Variants in ORC3 observed in about 807,000 individuals in gnomAD.
ORC3 encodes the protein homolog of latheo, Drosophila.
Under a neutral mutation model 100.7 loss-of-function variants are expected in ORC3, and 78 were observed. The observed-to-expected ratio is 0.77, with a 90% confidence interval of 0.65 to 0.94. The LOEUF is 0.94. ORC3 is among the 40% of genes least tolerant of loss of function. ORC3 has a pLI of 0.00. For missense variants in ORC3, 789 were observed against 823.9 expected, an observed-to-expected ratio of 0.96 and a Z score of 0.52; for synonymous variants, 295 against 289.3, an observed-to-expected ratio of 1.02 and a Z score of -0.20.
At chr6:87,675,974 T>C in the ORC3 span, 7 of 1,526,312 alleles carry the variant, frequency 4.6e-6, no homozygotes, top group African/African-American at 1.6e-5. Flanking sequence ...TAAAATGCCT[T>C]ATTAGAGCCA....
chr6:87,674,670 T>A, the ORC3 span, among the ~76,000 whole-genome samples: 5 of 142,330 alleles, frequency 3.5e-5, no homozygotes, highest in South Asian at 1.0e-3. Context: ...GAGATGGGGT[T>A]TCACTGTGTT....
intron 9 of ORC3, among the ~76,000 whole-genome samples, chr6:87,620,797 A>G (rs1196680537): frequency 3.3e-5 from 5 of 152,220 alleles, no homozygotes; most frequent in African/African-American, 1.2e-4. Flanking sequence ...CCCTTCTACC[A>G]TAGAGCCCAC....
chr6:87,603,318 C>A (rs2128248909), intron 3 of ORC3, 66 bp from the exon 4 acceptor site: 1 of 870,916 alleles, frequency 1.1e-6, no homozygotes, highest in Non-Finnish European at 1.6e-6. Flanking sequence ...AATTTTCTTT[C>A]CACAACCAGG....
At chr6:87,628,415 T>TAGA (rs1162533726) in intron 11 of ORC3, among the ~76,000 whole-genome samples, 1 of 152,220 alleles carries the variant, frequency 6.6e-6, no homozygotes, top group Non-Finnish European at 1.5e-5. Flanking sequence ...GGAGGGACAT[T>TAGA]AGAAGACCTG....
chr6:87,670,985 A>C (rs1770819895), downstream of ORC3, among the ~76,000 whole-genome samples: 1 of 152,230 alleles, frequency 6.6e-6, no homozygotes, highest in Non-Finnish European at 1.5e-5. Flanking sequence ...AGTAACAAAA[A>C]TCCTATGCTG....
At chr6:87,647,104 C>T (rs1205009951) in intron 13 of ORC3, among the ~76,000 whole-genome samples, 1 of 152,144 alleles carries the variant, frequency 6.6e-6, no homozygotes, top group Non-Finnish European at 1.5e-5. Context: ...TTTCTGCTCC[C>T]CTACAGGTTC....
intron 13 of ORC3, among the ~76,000 whole-genome samples, chr6:87,651,844 G>A (rs1769292761): frequency 6.6e-6 from 1 of 151,046 alleles, no homozygotes; most frequent in Non-Finnish European, 1.5e-5. Flanking sequence ...TGAATTAGTT[G>A]TATTACAAAA....
chr6:87,619,785 G>A (rs928618030), intron 9 of ORC3, among the ~76,000 whole-genome samples: 6 of 152,134 alleles, frequency 3.9e-5, no homozygotes, highest in African/African-American at 1.4e-4. Flanking sequence ...CTTGGCCAAG[G>A]TCACACCACT....
chr6:87,638,235 G>A (rs1210839087), intron 13 of ORC3, among the ~76,000 whole-genome samples: 16 of 152,218 alleles, frequency 1.1e-4, no homozygotes, highest in Non-Finnish European at 2.4e-4. Context: ...GGACAGGCAG[G>A]AGTCTGGGTT....
At chr6:87,670,564 A>AGAC (rs1770812088), downstream of ORC3, among the ~76,000 whole-genome samples, 1 of 152,236 alleles carries the variant, frequency 6.6e-6, no homozygotes, top group Non-Finnish European at 1.5e-5. Flanking sequence ...AAAACCCTCA[A>AGAC]GACAGCCTAT....
At chr6:87,657,074 T>C in intron 15 of ORC3, 92 bp downstream of exon 15, 1 of 870,126 alleles carries the variant, frequency 1.1e-6, no homozygotes, top group Non-Finnish European at 1.9e-6. Flanking sequence ...ATGTTTTTGT[T>C]TTCATTTTTA....
chr6:87,647,291 C>G (rs1345265751), intron 13 of ORC3, among the ~76,000 whole-genome samples: 5 of 152,138 alleles, frequency 3.3e-5, no homozygotes, highest in Non-Finnish European at 5.9e-5. Flanking sequence ...TGCTCATTTT[C>G]TCTCTCCATT....
chr6:87,652,609 A>T (rs1769364928), intron 13 of ORC3, among the ~76,000 whole-genome samples: 1 of 152,224 alleles, frequency 6.6e-6, no homozygotes, highest in African/African-American at 2.4e-5. Context: ...CTTTCAAACA[A>T]GTTTACATTT....
In ORC3 at chr6:87,665,806, C is replaced by T. The variant is rs1770549675; in HGVS notation, c.2003C>T (p.Thr668Ile). 2 of 1,610,220 alleles carry T rather than the reference C, an allele frequency of 1.2e-6. No homozygotes were observed. The highest frequency in any genetic ancestry group is 2.2e-5 in the East Asian group (1 of 44,752). Residue 668 changes from threonine (T) to isoleucine (I), a missense_variant, in exon 19 of 20, where the codon ACC (threonine) becomes ATC (isoleucine). Transcript: ENST00000392844. ...GAAAAAATGGATGCAAATTCTGCAACCTCAGAAGAAATGAATGAAATTATC... is the reference window on the plus strand; with the variant it reads ...GAAAAAATGGATGCAAATTCTGCAATCTCAGAAGAAATGAATGAAATTATC... ...AAEKMDANSA[T>I]SEEMNEIIHA...
At chr6:87,622,577 A>G (rs1779613595) in intron 11 of ORC3, among the ~76,000 whole-genome samples, 1 of 152,114 alleles carries the variant, frequency 6.6e-6, no homozygotes, top group Admixed American at 6.6e-5. Flanking sequence ...GATGTAGTAT[A>G]TAATTCAAAA....
At chr6:87,666,779 G>A (rs1028836556) in intron 19 of ORC3, among the ~76,000 whole-genome samples, 1 of 152,026 alleles carries the variant, frequency 6.6e-6, no homozygotes, top group Non-Finnish European at 1.5e-5. Flanking sequence ...AAGTGGGGGC[G>A]GGGAGCAATT....
At position 87,666,419 on chromosome 6, in the gene ORC3, C is replaced by T. The variant is rs112966366; in HGVS notation, c.2030+586C>T. Among the ~76,000 whole-genome samples, 418 of 144,354 alleles carry T rather than the reference C, an allele frequency of 2.9e-3. 2 individuals carry two copies. The highest frequency in any genetic ancestry group is 0.01 in the African/African-American group (390 of 38,586). 94.7% of individuals were successfully genotyped at this position (144,354 alleles called of 152,430 possible). ...TGCTAGGATTATAGGTGTGAGCCACCTCACCCGGCCTAATTCTTTTTTTTT... is the reference window on the plus strand; with the variant it reads ...TGCTAGGATTATAGGTGTGAGCCACTTCACCCGGCCTAATTCTTTTTTTTT... On this transcript the variant is annotated intron_variant, in intron 19 of 19. Transcript: ENST00000392844.
At chr6:87,646,049 T>C (rs1768759452) in intron 13 of ORC3, among the ~76,000 whole-genome samples, 1 of 148,820 alleles carries the variant, frequency 6.7e-6, no homozygotes, top group South Asian at 2.1e-4. Context: ...TGCAGTGGCA[T>C]GATCTCAGCT....
intron 6 of ORC3, among the ~76,000 whole-genome samples, chr6:87,608,097 A>G (rs1778480988): frequency 6.6e-6 from 1 of 152,248 alleles, no homozygotes; most frequent in Non-Finnish European, 1.5e-5. Context: ...ACAGAGCATC[A>G]GGAATTGCTT....
Sources: gnomAD v4.1 joint callset for allele counts (sites outside exome capture counted in the v4.1 genomes callset) on GRCh38, gnomAD v4.1.1 for gene constraint, MANE v1.5 for transcripts, NCBI Gene and HGNC (gene_info 2026-07-23, HGNC 2026-07-21) for gene names.